ELMO3: variants seen among roughly 807,000 people sequenced by gnomAD.
ELMO3 encodes engulfment and cell motility 3.
In ELMO3, 81 loss-of-function variants were observed where a neutral mutation model predicts 89.0. That is an observed-to-expected ratio of 0.91 (90% confidence interval 0.76 to 1.09). The LOEUF is 1.09. Among genes scored for constraint, ELMO3 ranks in the 50% least tolerant of loss-of-function variants. The pLI is 0.00. For missense variants in ELMO3, 959 were observed against 972.8 expected (o/e 0.99, Z 0.19); for synonymous variants, 406 against 400.6 (o/e 1.01, Z -0.16).
chr16:67,203,673 G>A lies in ELMO3; in HGVS notation c.1959G>A (p.Leu653=), dbSNP rs1177750802. The change falls in exon 20 of 20, where the codon CTG becomes CTA. Residue 653 remains leucine (L), a synonymous_variant. Transcript: ENST00000393997. This position sits in a 1 kb window ranked among gnomAD's most constrained non-coding sequence, Gnocchi z 4.6. ...FIAPSKREFY[L]WTDGLSALLG... ...CTCTGTGCCACCCCCAGTTCTACCT[G>A]TGGACAGATGGGCTCAGTGCCTTGC... 2 of 1,613,762 alleles carry A rather than the reference G, an allele frequency of 1.2e-6. No homozygotes were observed. The highest frequency in any genetic ancestry group is 4.5e-5 in the East Asian group (2 of 44,870).
chr16:67,202,746 G>C lies in ELMO3; in HGVS notation c.1518G>C (p.Gln506His). The change falls in exon 15 of 20, where the codon CAG becomes CAC. Residue 506 changes from glutamine to histidine, a missense_variant. Coordinates refer to ENST00000393997, the MANE Select transcript of ELMO3 (RefSeq NM_024712.5). Reference sequence around the variant, plus strand: ...ATGGGGAGGTGCTGCGGCTGCGGCAGACTGAACGGCTGCACCAGGAGGGCA... The same window carrying C: ...ATGGGGAGGTGCTGCGGCTGCGGCACACTGAACGGCTGCACCAGGAGGGCA... ...LTYGEVLRLRQTERLHQEGTL... is the reference protein window; with the variant it reads ...LTYGEVLRLRHTERLHQEGTL... 1.2e-6 allele frequency: 2 copies of C among 1,613,626 alleles called. No homozygotes were observed. Among genetic ancestry groups the C allele is most frequent in the African/African-American group, 1.3e-5 (1 of 75,046 alleles).
At position 67,201,810 on chromosome 16, in the gene ELMO3, C is replaced by T. The variant is rs777617654; in HGVS notation, c.987C>T (p.Ala329=). 1.9e-5 allele frequency: 31 copies of T among 1,611,918 alleles called. No homozygotes were observed. The Admixed American group carries it at 3.3e-4, about 17-fold the overall frequency. ...AFEVEGESSG[A]GLSADRRRSL... ...AGGTGGAGGGGGAGTCCTCGGGTGC[C>T]GGGCTAAGTGCTGACCGTCGCCGTT... The change falls in exon 11 of 20, where the codon GCC becomes GCT. Residue 329 remains alanine, a synonymous_variant. Transcript: ENST00000393997.
rs771187010 is a variant in ELMO3, at chr16:67,199,538, C to T, written c.79-15C>T. Reference sequence around the variant, plus strand: ...CTCCCTGCCCAGGCCGCGAGAATGACCACTCCACTTGCAGGCGAAGCCCCT... The same window carrying T: ...CTCCCTGCCCAGGCCGCGAGAATGATCACTCCACTTGCAGGCGAAGCCCCT... On this transcript the variant is annotated splice_polypyrimidine_tract_variant and intron_variant, in intron 1 of 19. Transcript: ENST00000393997. 1.3e-6 allele frequency: 2 copies of T among 1,557,716 alleles called. No homozygotes were observed. The highest frequency in any genetic ancestry group is 1.7e-5 in the Admixed American group (1 of 57,932).
chr16:67,201,589 A>G lies in ELMO3; in HGVS notation c.865A>G (p.Met289Val), dbSNP rs773884075. Residue 289 changes from methionine (M) to valine (V), a missense_variant, in exon 10 of 20, where the codon ATG becomes GTG. Physicochemically the swap from Met to Val is conservative, Grantham distance 21 (BLOSUM62 1). Coordinates refer to ENST00000393997, the MANE Select transcript of ELMO3 (RefSeq NM_024712.5). ...AHHLYVLQAL[M>V]LGLLEPRMRT... ...TCACCTGTACGTACTGCAGGCTCTCATGCTGGGGCTGCTGGAGCCGCGCAT... is the reference window on the plus strand; with the variant it reads ...TCACCTGTACGTACTGCAGGCTCTCGTGCTGGGGCTGCTGGAGCCGCGCAT... The G allele has an allele frequency of 1.9e-6, 3 of 1,613,906 alleles. No individual in the cohort carries two copies. Among genetic ancestry groups the G allele is most frequent in the Admixed American group, 1.7e-5 (1 of 60,024 alleles).
Position 67,203,030 on chromosome 16 carries a change from G to A in ELMO3, c.1675+26G>A. ...GTCTCTGAATGGGCATGGGCAGGGG[G>A]CAGAGGGCAGGCAGAGGGCAGGCAG... On this transcript the variant is annotated intron_variant, in intron 16 of 19. Transcript: ENST00000393997. The surrounding 1 kb of genome is among the most constrained non-coding windows in gnomAD (Gnocchi z 4.6). 3 of 1,594,734 alleles carry A rather than the reference G, an allele frequency of 1.9e-6. No homozygotes were observed. The highest frequency in any genetic ancestry group is 1.1e-5 in the South Asian group (1 of 90,220).
In ELMO3 at chr16:67,199,609, C is replaced by T. The variant is rs1362950672; in HGVS notation, c.119+16C>T. 2 of 1,608,980 alleles carry T rather than the reference C, an allele frequency of 1.2e-6. No individual in the cohort carries two copies. The highest frequency in any genetic ancestry group is 8.5e-7 in the Non-Finnish European group (1 of 1,178,850). On this transcript the variant is annotated intron_variant, in intron 2 of 19. Transcript: ENST00000393997. The stretch of plus-strand genomic sequence containing the variant: ...TGTGCGACGCGTGAGTGCTGCCGGG[C>T]CAGGGCCTGCGGAGGGCGGGAGGGC...
Position 67,203,446 on chromosome 16 carries a change from C to A in ELMO3, c.1863+37C>A. On this transcript the variant is annotated intron_variant, in intron 18 of 19. Coordinates refer to ENST00000393997, the MANE Select transcript of ELMO3 (RefSeq NM_024712.5). This position sits in a 1 kb window ranked among gnomAD's most constrained non-coding sequence, Gnocchi z 4.6. ...GGGCCAGGGGCTCCTTCCCACCCGC[C>A]CCCGCCTACCCTGTCCCCTGCTCAG... 3.1e-6 allele frequency: 5 copies of A among 1,612,668 alleles called. No homozygotes were observed. Among genetic ancestry groups the A allele is most frequent in the Non-Finnish European group, 4.2e-6 (5 of 1,179,364 alleles).
At chr16:67,201,336 C>T (rs756125950) in intron 8 of ELMO3, 49 bp from the exon 9 acceptor site, 113 of 1,610,784 alleles carry the variant, frequency 7.0e-5, no homozygotes, top group Middle Eastern at 4.9e-4. Flanking sequence ...GGATTACAGG[C>T]GTGAGCCACC....
At position 67,199,221 on chromosome 16, in the gene ELMO3, C is replaced by T. The variant is rs1394552393; in HGVS notation, c.-106C>T. The T allele has an allele frequency of 6.2e-6, 10 of 1,611,114 alleles. No individual in the cohort carries two copies. Among genetic ancestry groups the T allele is most frequent in the Non-Finnish European group, 8.5e-6 (10 of 1,179,432 alleles). On this transcript the variant is annotated 5_prime_UTR_variant, in exon 1 of 20. Transcript: ENST00000393997. The stretch of plus-strand genomic sequence containing the variant: ...AGTGCGGGACACCGAGGTCAGGTCT[C>T]GGAAAGGGAGGACCTCCTCGTCCCC...
chr16:67,203,449 CGCCTA>C lies in ELMO3; in HGVS notation c.1863+41_1864-43del. On this transcript the variant is annotated intron_variant, in intron 18 of 19. Transcript: ENST00000393997. The surrounding 1 kb of genome is among the most constrained non-coding windows in gnomAD (Gnocchi z 4.6). ...CCAGGGGCTCCTTCCCACCCGCCCC[CGCCTA>C]CCCTGTCCCCTGCTCAGTGTCCCCG... 6.2e-7 allele frequency: 1 copy of C among 1,613,048 alleles called. No homozygotes were observed. Among genetic ancestry groups the C allele is most frequent in the East Asian group, 2.2e-5 (1 of 44,826 alleles).
In ELMO3 at chr16:67,202,801, G is replaced by A; in HGVS notation, c.1562+11G>A. 1 of 1,612,818 alleles carries A rather than the reference G, an allele frequency of 6.2e-7. No homozygotes were observed. On this transcript the variant is annotated intron_variant, in intron 15 of 19. Transcript: ENST00000393997. ...GGCTCCCCCTATACTGTGAGTCTGG[G>A]GGGATGGATCCTCAGTCCTAGCCCT... is the stretch of plus-strand genomic sequence containing the variant.
In ELMO3 at chr16:67,200,817, C is replaced by T. The variant is rs777554067; in HGVS notation, c.665+9C>T. 1.2e-6 allele frequency: 2 copies of T among 1,613,122 alleles called. No homozygotes were observed. Among genetic ancestry groups the T allele is most frequent in the Admixed American group, 3.3e-5 (2 of 59,918 alleles). ...CTGGTGCACCTACAGGTGTAAGCCT[C>T]TGGGGCTGGGGTCCAGATGCAGGGA... is the stretch of plus-strand genomic sequence containing the variant. On this transcript the variant is annotated intron_variant, in intron 7 of 19. Coordinates refer to ENST00000393997, the MANE Select transcript of ELMO3 (RefSeq NM_024712.5).
Position 67,202,235 on chromosome 16 carries a change from C to T in ELMO3, c.1212C>T (p.Ser404=). Residue 404 remains serine, a synonymous_variant, in exon 13 of 20, where the codon AGC becomes AGT. Coordinates refer to ENST00000393997, the MANE Select transcript of ELMO3 (RefSeq NM_024712.5). ...ACGAGTGCCCCTTTGCCCGGGGCAG[C>T]ATCCAGCTGACGGTGCTGCTGTGTG... ...DKHECPFARG[S]IQLTVLLCEL... 6.2e-7 allele frequency: 1 copy of T among 1,605,816 alleles called. No homozygotes were observed. The highest frequency in any genetic ancestry group is 8.5e-7 in the Non-Finnish European group (1 of 1,174,362).
At position 67,203,479 on chromosome 16, in the gene ELMO3, G is replaced by T; in HGVS notation, c.1864-18G>T. ...ACCCTGTCCCCTGCTCAGTGTCCCC[G>T]CTCCCTTGCTTCCCCAGGACCTCTA... On this transcript the variant is annotated intron_variant, in intron 18 of 19. Coordinates refer to ENST00000393997, the MANE Select transcript of ELMO3 (RefSeq NM_024712.5). The surrounding 1 kb of genome is among the most constrained non-coding windows in gnomAD (Gnocchi z 4.6). The T allele has an allele frequency of 7.7e-7, 1 of 1,291,692 alleles. No individual in the cohort carries two copies. The allele number at this position is 1,291,692 out of a possible 1,614,324, so 80.0% of individuals were successfully genotyped here.
intron 3 of ELMO3, 48 bp downstream of exon 3, chr16:67,199,804 ACCC>A: frequency 6.2e-7 from 1 of 1,602,918 alleles, no homozygotes; most frequent in African/African-American, 1.4e-5. Context: ...GACCCCTCTA[ACCC>A]ACCTGGCCCC....
Position 67,200,947 on chromosome 16 carries a change from G to T in ELMO3, c.723G>T (p.Gly241=). The T allele has an allele frequency of 6.2e-7, 1 of 1,609,398 alleles. No homozygotes were observed. The highest frequency in any genetic ancestry group is 8.5e-7 in the Non-Finnish European group (1 of 1,178,732). ...AMALLTALLQ[G]ASPVERKHML... is the part of the protein sequence containing the mutation. ...CCCTGCTGACAGCCTTGCTGCAGGGGGCCAGCCCTGTGGAACGCAAGGTGA... is the reference window on the plus strand; with the variant it reads ...CCCTGCTGACAGCCTTGCTGCAGGGTGCCAGCCCTGTGGAACGCAAGGTGA... The change falls in exon 8 of 20, where the codon GGG becomes GGT. Residue 241 remains glycine (G), a synonymous_variant. Coordinates refer to ENST00000393997, the MANE Select transcript of ELMO3 (RefSeq NM_024712.5).
At chr16:67,201,048 C>CTT (rs1464584734) in intron 8 of ELMO3, 80 bp downstream of exon 8, 61 of 1,413,770 alleles carry the variant, frequency 4.3e-5, no homozygotes, top group African/African-American at 3.8e-4. Flanking sequence ...TCTAAGCCCC[C>CTT]CTTTTTTTTT....
At position 67,200,216 on chromosome 16, in the gene ELMO3, G is replaced by A; in HGVS notation, c.268G>A (p.Gly90Ser). 1 of 1,613,288 alleles carries A rather than the reference G, an allele frequency of 6.2e-7. No individual in the cohort carries two copies. Among genetic ancestry groups the A allele is most frequent in the South Asian group, 1.1e-5 (1 of 91,070 alleles). ...GGACCTTGAGGCTGAGCAGCTCTTG[G>A]GTGGGCTGCAGAGTAACAGTCCTGA... The part of the protein sequence containing the change: ...APDLEAEQLL[G>S]GLQSNSPEGR... The change falls in exon 5 of 20, where the codon GGT becomes AGT. Residue 90 changes from glycine (G) to serine (S), a missense_variant. Physicochemically the swap from Gly to Ser is moderately conservative, Grantham distance 56. Transcript: ENST00000393997.
rs775438147 is a variant in ELMO3, at chr16:67,201,400, C to G, written c.760C>G (p.Leu254Val). ...PVERKHMLDY[L>V]WQRNLRQFIY... The stretch of plus-strand genomic sequence containing the variant: ...ACCCCCTCAGCACATGCTTGACTAT[C>G]TTTGGCAGAGGAACCTTCGCCAGTT... The change falls in exon 9 of 20, where the codon CTT becomes GTT. Residue 254 changes from leucine to valine, a missense_variant. Physicochemically the swap from Leu to Val is conservative, Grantham distance 32. Transcript: ENST00000393997. 4 of 1,613,994 alleles carry G rather than the reference C, an allele frequency of 2.5e-6. No individual in the cohort carries two copies. The highest frequency in any genetic ancestry group is 3.4e-6 in the Non-Finnish European group (4 of 1,180,002).
Sources: allele counts gnomAD v4.1 joint callset, GRCh38; gene constraint gnomAD v4.1.1; non-coding constraint Gnocchi (gnomAD v3.1); transcripts MANE v1.5; gene names NCBI Gene and HGNC (gene_info 2026-07-23, HGNC 2026-07-21).